The following DCLK1 variants were observed in gnomAD, a reference collection of about 807,000 sequenced individuals.
The protein encoded by DCLK1 is doublecortin like kinase 1, also known as serine/threonine-protein kinase DCLK1.
A neutral mutation model predicts 86.2 loss-of-function variants in DCLK1; 16 were observed. That is an observed-to-expected ratio of 0.19 (90% CI 0.13 to 0.28). The LOEUF (loss-of-function observed/expected upper bound fraction) is 0.28. Among genes scored for constraint, DCLK1 ranks in the 10% least tolerant of loss-of-function variants. The pLI is 1.00. For synonymous variants in DCLK1, 369 were observed against 370.5 expected (o/e 1.00, Z 0.05); for missense variants, 590 against 940.2 (o/e 0.63, Z 4.87).
At chr13:36,109,026 C>T (rs1885513504) in intron 3 of DCLK1, among the ~76,000 whole-genome samples, 2 of 152,184 alleles carry the variant, frequency 1.3e-5, no homozygotes, top group Non-Finnish European at 2.9e-5. Context: ...TAACAAACTG[C>T]TTATGGGACA....
rs1477994990 is a variant in DCLK1 at position 35,871,218 on chromosome 13, C to A, written c.940+6G>T. The A allele has an allele frequency of 6.2e-7, 1 of 1,612,026 alleles. No homozygotes were observed. The highest frequency in any genetic ancestry group is 2.2e-5 in the East Asian group (1 of 44,846). Reference sequence around the variant, plus strand: ...AATTTCTTCAAAATCCCCTCTGCTGCTTTACCTGAGCTGGTGGAGGCAGGG... The same window carrying A: ...AATTTCTTCAAAATCCCCTCTGCTGATTTACCTGAGCTGGTGGAGGCAGGG... On this transcript the variant is annotated splice_donor_region_variant and intron_variant, in intron 5 of 16. Transcript: ENST00000360631.
intron 3 of DCLK1, among the ~76,000 whole-genome samples, chr13:35,958,150 C>CCACCACTAT (rs1566620689): frequency 4.3e-5 from 1 of 23,226 alleles, no homozygotes; most frequent in African/African-American, 1.1e-4. Flanking sequence ...ACCACCACCA[C>CCACCACTAT]CACTATAACC....
At chr13:36,097,687 CT>C (rs1885065373) in intron 3 of DCLK1, among the ~76,000 whole-genome samples, 1 of 152,130 alleles carries the variant, frequency 6.6e-6, no homozygotes, top group African/African-American at 2.4e-5. Context: ...CATTTACTGT[CT>C]TTTGGCAACC....
rs371713108 is a variant in DCLK1, at chr13:36,014,198, C to T, written c.724-66741G>A. Among the ~76,000 whole-genome samples, 463 of 152,284 alleles carry T rather than the reference C, an allele frequency of 3.0e-3. 2 individuals are homozygous for T. The highest frequency in any genetic ancestry group is 0.01 in the African/African-American group (422 of 41,564). ...GTCGCTCACGCTGGGAGCTGTAGAC[C>T]GGAGCTGTTCCTATTCGGCCATCTT... On this transcript the variant is annotated intron_variant, in intron 3 of 16. Coordinates refer to ENST00000360631, the MANE Select transcript of DCLK1 (RefSeq NM_001330071.2).
chr13:35,993,211 C>T (rs1455682407), intron 3 of DCLK1, among the ~76,000 whole-genome samples: 1 of 152,172 alleles, frequency 6.6e-6, no homozygotes, highest in Non-Finnish European at 1.5e-5. Flanking sequence ...ACCAACTCAA[C>T]TCTCACTTCC....
intron 3 of DCLK1, among the ~76,000 whole-genome samples, chr13:36,100,489 A>C (rs1464746881): frequency 6.6e-6 from 1 of 152,138 alleles, no homozygotes; most frequent in African/African-American, 2.4e-5. Context: ...TATGTCAGTA[A>C]TTTTACTCTT....
chr13:35,980,441 C>A (rs1353566134), intron 3 of DCLK1, among the ~76,000 whole-genome samples: 1 of 152,108 alleles, frequency 6.6e-6, no homozygotes, highest in African/African-American at 2.4e-5. Context: ...CAGAGGGAGA[C>A]CCTGTGTCAA....
At chr13:35,931,618 T>C (rs2153129058) in intron 4 of DCLK1, among the ~76,000 whole-genome samples, 2 of 152,242 alleles carry the variant, frequency 1.3e-5, no homozygotes, top group South Asian at 4.2e-4. Flanking sequence ...AGGGAGGATA[T>C]TGCTGATCAA....
chr13:36,106,536 A>C (rs1414509424), intron 3 of DCLK1, among the ~76,000 whole-genome samples: 1 of 152,232 alleles, frequency 6.6e-6, no homozygotes, highest in African/African-American at 2.4e-5. Context: ...AATCGCAAAC[A>C]AAACTAAAAA....
chr13:35,810,312 C>A (rs1197333648), intron 12 of DCLK1, among the ~76,000 whole-genome samples: 1 of 152,154 alleles, frequency 6.6e-6, no homozygotes, highest in Non-Finnish European at 1.5e-5. Flanking sequence ...CACCCTTCTC[C>A]CCACATTCAT....
chr13:35,920,162 A>G (rs1875712887), intron 4 of DCLK1, among the ~76,000 whole-genome samples: 1 of 152,176 alleles, frequency 6.6e-6, no homozygotes, highest in South Asian at 2.1e-4. Flanking sequence ...GTATATGGAC[A>G]TCTCTCTACT....
In DCLK1 at chr13:36,059,868, CTT is replaced by C. The variant is rs57867541; in HGVS notation, c.723+51999_723+52000del. On this transcript the variant is annotated intron_variant, in intron 3 of 16. Coordinates refer to ENST00000360631, the MANE Select transcript of DCLK1 (RefSeq NM_001330071.2). Reference sequence around the variant, plus strand: ...AACAAAGATGACTTCACTTAAATCTCTTTTTTTTTTTTTTTTCTTTGAGACAG... The same window carrying C: ...AACAAAGATGACTTCACTTAAATCTCTTTTTTTTTTTTTTCTTTGAGACAG... 1.5e-3 allele frequency among the ~76,000 whole-genome samples: 217 copies of C among 140,290 alleles called. 1 individual carries two copies. The highest frequency in any genetic ancestry group is 7.9e-3 in the East Asian group (38 of 4,804). The allele number at this position is 140,290 out of a possible 152,430, so 92.0% of individuals were successfully genotyped here. A position where few individuals can be genotyped will look rare whatever the true frequency, so the allele number is the denominator to read the frequency against.
At chr13:35,976,734 C>T (rs1305681841) in intron 3 of DCLK1, among the ~76,000 whole-genome samples, 4 of 151,706 alleles carry the variant, frequency 2.6e-5, no homozygotes, top group African/African-American at 9.7e-5. Context: ...CGGGGTTTCA[C>T]CGTTTTAGCC....
intron 3 of DCLK1, among the ~76,000 whole-genome samples, chr13:36,039,229 T>A (rs1166896050): frequency 6.6e-6 from 1 of 152,154 alleles, no homozygotes; most frequent in Non-Finnish European, 1.5e-5. Context: ...AAAAGAAAAC[T>A]CCAGAAATAA....
At chr13:35,831,924 T>C (rs1868995766) in intron 8 of DCLK1, among the ~76,000 whole-genome samples, 1 of 152,198 alleles carries the variant, frequency 6.6e-6, no homozygotes, top group African/African-American at 2.4e-5. Flanking sequence ...CTTGTTCAAC[T>C]GAGTGATTCC....
chr13:36,053,808 A>G (rs940977578), intron 3 of DCLK1, among the ~76,000 whole-genome samples: 1 of 152,100 alleles, frequency 6.6e-6, no homozygotes, highest in Non-Finnish European at 1.5e-5. Context: ...AGCTATGCAG[A>G]TATCTAGGGG....
intron 3 of DCLK1, among the ~76,000 whole-genome samples, chr13:36,073,023 C>T (rs1053051178): frequency 4.6e-5 from 7 of 152,270 alleles, no homozygotes; most frequent in East Asian, 3.9e-4. Context: ...GAACAGCCTA[C>T]GAGAAGCAAA....
intron 3 of DCLK1, among the ~76,000 whole-genome samples, chr13:36,077,109 A>G (rs1884241103): frequency 6.6e-6 from 1 of 152,078 alleles, no homozygotes. Flanking sequence ...CCCAAGCACT[A>G]ATGCTTCTCA....
rs4054844 is a variant in DCLK1, at chr13:36,056,906, A to AAAT, written c.723+54962_723+54963insATT. 5.4e-3 allele frequency among the ~76,000 whole-genome samples: 709 copies of AAAT among 130,102 alleles called. 5 individuals are homozygous for AAAT. The highest frequency in any genetic ancestry group is 0.013 in the African/African-American group (476 of 35,486). 85.4% of individuals were successfully genotyped at this position (130,102 alleles called of 152,430 possible). ...GCAAGACTGTGACAAAAAAAAAAAAAATATATATATATATATATATACACA... is the reference window on the plus strand; with the variant it reads ...GCAAGACTGTGACAAAAAAAAAAAAAAATATATATATATATATATATATACACA... On this transcript the variant is annotated intron_variant, in intron 3 of 16. Coordinates refer to ENST00000360631, the MANE Select transcript of DCLK1 (RefSeq NM_001330071.2).
Sources: allele counts gnomAD v4.1 joint callset (sites outside exome capture counted in the v4.1 genomes callset), GRCh38; gene constraint gnomAD v4.1.1; transcripts MANE v1.5; gene names NCBI Gene and HGNC (gene_info 2026-07-23, HGNC 2026-07-21).